The following GALNT13 variants were observed in gnomAD, a reference collection of about 807,000 sequenced individuals.
GALNT13 encodes the protein UDP-GalNAc:polypeptide N-acetylgalactosaminyltransferase 13.
In GALNT13, 28 loss-of-function variants were observed where a neutral mutation model predicts 64.2. The ratio of observed to expected loss-of-function variants is 0.44; its 90% CI spans 0.32 to 0.60. The LOEUF (loss-of-function observed/expected upper bound fraction) is 0.60. GALNT13 is among the 20% of genes least tolerant of loss of function. The probability of loss-of-function intolerance (pLI) is 0.05; values close to 1 mark genes in which losing one functional copy is unlikely to be tolerated. For synonymous variants in GALNT13, 214 were observed against 224.6 expected (o/e 0.95, Z 0.42); for missense variants, 577 against 669.8 (o/e 0.86, Z 1.53).
At chr2:154,079,030 C>T (rs1014299243) in intron 3 of GALNT13, among the ~76,000 whole-genome samples, 2 of 151,518 alleles carry the variant, frequency 1.3e-5, no homozygotes, top group Admixed American at 1.3e-4. Flanking sequence ...AATTTCCTTG[C>T]TAAGTGACTA....
At chr2:154,410,392 T>C (rs1386025054) in intron 11 of GALNT13, among the ~76,000 whole-genome samples, 1 of 151,996 alleles carries the variant, frequency 6.6e-6, no homozygotes, top group African/African-American at 2.4e-5. Flanking sequence ...ACTTTATGTC[T>C]TTCCATTCTT....
At chr2:153,936,855 G>C (rs1391565967) in intron 2 of GALNT13, among the ~76,000 whole-genome samples, 2 of 151,916 alleles carry the variant, frequency 1.3e-5, no homozygotes, top group African/African-American at 4.8e-5. Context: ...TGAGTAGCTG[G>C]GACTACAGGC....
At chr2:153,272,104 A>G in the GALNT13 span, among the ~76,000 whole-genome samples, 18 of 152,192 alleles carry the variant, frequency 1.2e-4, no homozygotes, top group African/African-American at 1.9e-4. Flanking sequence ...TACACCTTAT[A>G]CAAAAATTAA....
the GALNT13 span, among the ~76,000 whole-genome samples, chr2:153,416,878 G>C: frequency 6.6e-6 from 1 of 152,268 alleles, no homozygotes; most frequent in Non-Finnish European, 1.5e-5. Flanking sequence ...CCTGAATCCT[G>C]AATCAGTTGT....
At chr2:153,114,680 C>T in the GALNT13 span, among the ~76,000 whole-genome samples, 21,124 of 151,988 alleles carry the variant, frequency 0.14, 1,823 homozygotes, top group Admixed American at 0.23. Flanking sequence ...ACCTACCTGG[C>T]GGTGGAAAGA....
the GALNT13 span, among the ~76,000 whole-genome samples, chr2:153,370,423 T>A: frequency 6.6e-6 from 1 of 152,050 alleles, no homozygotes; most frequent in Non-Finnish European, 1.5e-5. Flanking sequence ...TTCCAAAAAA[T>A]TTAGCAAATG....
At chr2:153,171,773 G>A in the GALNT13 span, among the ~76,000 whole-genome samples, 1 of 152,146 alleles carries the variant, frequency 6.6e-6, no homozygotes, top group Non-Finnish European at 1.5e-5. Context: ...CTTATCTTGG[G>A]AATAACCATA....
the GALNT13 span, among the ~76,000 whole-genome samples, chr2:153,367,286 G>A: frequency 1.3e-5 from 2 of 151,938 alleles, no homozygotes; most frequent in Admixed American, 6.6e-5. Flanking sequence ...TGGGAGGGAA[G>A]GAATTAGAAA....
chr2:153,471,917 G>A, the GALNT13 span, among the ~76,000 whole-genome samples: 8 of 152,152 alleles, frequency 5.3e-5, no homozygotes, highest in African/African-American at 1.7e-4. Context: ...AAGAATTGGG[G>A]AATGTGGAAT....
the GALNT13 span, among the ~76,000 whole-genome samples, chr2:153,846,407 T>G: frequency 6.6e-6 from 1 of 152,106 alleles, no homozygotes; most frequent in Non-Finnish European, 1.5e-5. Context: ...AGGTATTCAC[T>G]AAGAAATATT....
chr2:153,207,904 A>G, the GALNT13 span, among the ~76,000 whole-genome samples: 1 of 152,140 alleles, frequency 6.6e-6, no homozygotes, highest in African/African-American at 2.4e-5. Flanking sequence ...AGAAGAGACA[A>G]CCTTTTCTTG....
At chr2:154,140,627 A>G in intron 4 of GALNT13, 122 bp downstream of exon 4, 2 of 602,616 alleles carry the variant, frequency 3.3e-6, no homozygotes. Context: ...TACCTATCAC[A>G]TAGCAGGAAT....
At chr2:153,553,951 G>A in the GALNT13 span, among the ~76,000 whole-genome samples, 5 of 61,174 alleles carry the variant, frequency 8.2e-5, no homozygotes, top group Admixed American at 1.1e-3. Context: ...TTGTGTGGAT[G>A]TGAGTCCTGG....
intron 1 of GALNT13, among the ~76,000 whole-genome samples, chr2:153,889,973 C>G (rs1687445648): frequency 6.6e-6 from 1 of 151,750 alleles, no homozygotes. Flanking sequence ...GTCTGCACTT[C>G]TGCTTGCTTC....
intron 3 of GALNT13, among the ~76,000 whole-genome samples, chr2:153,989,955 A>T (rs1695052842): frequency 6.6e-6 from 1 of 152,126 alleles, no homozygotes; most frequent in Admixed American, 6.6e-5. Flanking sequence ...ACAAAACAAA[A>T]AAGGATCAAC....
intron 4 of GALNT13, among the ~76,000 whole-genome samples, chr2:154,144,636 A>C (rs1428284948): frequency 6.6e-6 from 1 of 152,144 alleles, no homozygotes; most frequent in Admixed American, 6.5e-5. Flanking sequence ...GGCTAAATTC[A>C]GAAAATTGTC....
the GALNT13 span, among the ~76,000 whole-genome samples, chr2:153,261,622 G>A: frequency 6.6e-6 from 1 of 152,084 alleles, no homozygotes; most frequent in African/African-American, 2.4e-5. Context: ...ACTATGCTGG[G>A]TCAAATCTGA....
chr2:153,955,686 G>C (rs1692515692), intron 3 of GALNT13, among the ~76,000 whole-genome samples: 1 of 152,180 alleles, frequency 6.6e-6, no homozygotes, highest in African/African-American at 2.4e-5. Context: ...GCCTGTAAAG[G>C]TTCTCAGTTT....
the GALNT13 span, among the ~76,000 whole-genome samples, chr2:153,458,982 C>T: frequency 6.6e-6 from 1 of 152,004 alleles, no homozygotes; most frequent in African/African-American, 2.4e-5. Context: ...GGCACTTTTG[C>T]TGATTTACTT....
Sources: gnomAD v4.1 joint callset for allele counts (sites outside exome capture counted in the v4.1 genomes callset) on GRCh38, gnomAD v4.1.1 for gene constraint, MANE v1.5 for transcripts, NCBI Gene and HGNC (gene_info 2026-07-23, HGNC 2026-07-21) for gene names.